Variants in CDH18 observed in about 807,000 individuals in gnomAD.
CDH18 encodes the protein cadherin-18.
A neutral mutation model predicts 67.9 loss-of-function variants in CDH18; 31 were observed. The ratio of observed to expected loss-of-function variants is 0.46; its 90% CI spans 0.34 to 0.62. The LOEUF (loss-of-function observed/expected upper bound fraction) is 0.62. Among genes scored for constraint, CDH18 ranks in the 20% least tolerant of loss-of-function variants. The pLI is 0.01. For synonymous variants in CDH18, 362 were observed against 347.2 expected (o/e 1.04, Z -0.48); for missense variants, 890 against 975.5 (o/e 0.91, Z 1.17).
At chr5:20,303,339 T>TG (rs1561954173) in intron 1 of CDH18, among the ~76,000 whole-genome samples, 1 of 152,084 alleles carries the variant, frequency 6.6e-6, no homozygotes, top group South Asian at 2.1e-4. Flanking sequence ...ATTTTGTCTT[T>TG]GGGGGATAAA....
intron 11 of CDH18, among the ~76,000 whole-genome samples, chr5:19,485,445 C>T (rs551651692): frequency 5.3e-5 from 8 of 151,976 alleles, no homozygotes; most frequent in South Asian, 2.1e-4. Context: ...TTAGTAGAGA[C>T]GGGGTTTCAC....
chr5:19,853,612 TA>T (rs1224195743), intron 2 of CDH18, among the ~76,000 whole-genome samples: 1 of 151,978 alleles, frequency 6.6e-6, no homozygotes, highest in Non-Finnish European at 1.5e-5. Context: ...TTATTAGGAG[TA>T]AATCACAGCA....
chr5:19,673,611 A>T (rs894909177), intron 5 of CDH18, among the ~76,000 whole-genome samples: 3 of 152,076 alleles, frequency 2.0e-5, no homozygotes, highest in Non-Finnish European at 4.4e-5. Flanking sequence ...ATGTTTTACT[A>T]GAATATTCTT....
intron 3 of CDH18, among the ~76,000 whole-genome samples, chr5:19,836,997 T>A (rs1001323332): frequency 3.9e-5 from 6 of 152,120 alleles, no homozygotes; most frequent in African/African-American, 1.2e-4. Flanking sequence ...TAGCAAAGAC[T>A]TGGAACCATC....
intron 1 of CDH18, among the ~76,000 whole-genome samples, chr5:20,503,240 C>T (rs538857574): frequency 1.4e-5 from 2 of 146,366 alleles, no homozygotes; most frequent in East Asian, 2.0e-4. Context: ...CTTTTTATTT[C>T]TTTTTTTTTT....
chr5:19,575,030 C>A (rs1444888352), intron 7 of CDH18, among the ~76,000 whole-genome samples: 1 of 151,972 alleles, frequency 6.6e-6, no homozygotes, highest in Non-Finnish European at 1.5e-5. Flanking sequence ...CAGAGTCAGA[C>A]AAAAAACAAA....
chr5:19,749,236 T>G (rs898584635), intron 3 of CDH18, among the ~76,000 whole-genome samples: 19 of 151,952 alleles, frequency 1.3e-4, no homozygotes, highest in African/African-American at 4.1e-4. Context: ...AACAAATTCA[T>G]TTACCAAATG....
intron 1 of CDH18, among the ~76,000 whole-genome samples, chr5:20,294,807 T>C (rs1481233449): frequency 2.0e-5 from 3 of 152,214 alleles, no homozygotes; most frequent in Non-Finnish European, 4.4e-5. Context: ...TTACTTCAGC[T>C]ACATTAACTA....
intron 5 of CDH18, among the ~76,000 whole-genome samples, chr5:19,614,114 T>C (rs1214783283): frequency 6.6e-6 from 1 of 152,062 alleles, no homozygotes; most frequent in African/African-American, 2.4e-5. Context: ...GAAGGAGTTA[T>C]ATATTTATGT....
chr5:20,326,388 A>G (rs1377725809), intron 1 of CDH18, among the ~76,000 whole-genome samples: 2 of 152,134 alleles, frequency 1.3e-5, no homozygotes, highest in Non-Finnish European at 2.9e-5. Context: ...ATACTCTTGA[A>G]TATTTTACCC....
chr5:19,661,927 G>T (rs573804878), intron 5 of CDH18, among the ~76,000 whole-genome samples: 1 of 151,978 alleles, frequency 6.6e-6, no homozygotes, highest in Non-Finnish European at 1.5e-5. Flanking sequence ...AACTCAGAGG[G>T]GAAGATACAA....
chr5:19,541,455 G>T (rs752262103), intron 9 of CDH18, among the ~76,000 whole-genome samples: 1 of 151,892 alleles, frequency 6.6e-6, no homozygotes, highest in Non-Finnish European at 1.5e-5. Context: ...GCACTACCCC[G>T]CTCTACTGGT....
At chr5:20,126,093 G>C (rs866616656) in intron 2 of CDH18, among the ~76,000 whole-genome samples, 2 of 152,146 alleles carry the variant, frequency 1.3e-5, no homozygotes, top group Non-Finnish European at 2.9e-5. Context: ...ATTAAAATCA[G>C]ATGGTCCTGG....
At chr5:20,529,564 A>C (rs2126548376) in intron 1 of CDH18, among the ~76,000 whole-genome samples, 1 of 152,150 alleles carries the variant, frequency 6.6e-6, no homozygotes, top group African/African-American at 2.4e-5. Context: ...CTTCATCCCC[A>C]GGACCCAAGA....
At chr5:19,483,853 C>A (rs931368790) in intron 11 of CDH18, among the ~76,000 whole-genome samples, 1 of 152,124 alleles carries the variant, frequency 6.6e-6, no homozygotes, top group Admixed American at 6.5e-5. Flanking sequence ...TAAAGGGATG[C>A]GGACGGCCTG....
intron 2 of CDH18, among the ~76,000 whole-genome samples, chr5:19,916,718 C>T (rs926727035): frequency 2.0e-5 from 3 of 152,104 alleles, no homozygotes; most frequent in African/African-American, 7.2e-5. Flanking sequence ...TTTATTCTTA[C>T]AAATTTTTTT....
intron 6 of CDH18, among the ~76,000 whole-genome samples, chr5:19,604,530 A>AAC (rs4002268): frequency 0.069 from 10,033 of 145,036 alleles, 513 homozygotes; most frequent in African/African-American, 0.15. Context: ...TTCAAATTAA[A>AAC]ACACACACAC....
chr5:19,988,844 C>A (rs1352269321), upstream of CDH18, among the ~76,000 whole-genome samples: 1 of 152,080 alleles, frequency 6.6e-6, no homozygotes, highest in Non-Finnish European at 1.5e-5. Context: ...ACGCCTTCAC[C>A]CAAAGTACTC....
At chr5:20,453,668 G>C (rs1750637336) in intron 1 of CDH18, among the ~76,000 whole-genome samples, 1 of 151,808 alleles carries the variant, frequency 6.6e-6, no homozygotes, top group African/African-American at 2.4e-5. Flanking sequence ...GTCTTTCACT[G>C]TGAGGAAGAA....
Sources: gnomAD v4.1 joint callset for allele counts (sites outside exome capture counted in the v4.1 genomes callset) on GRCh38, gnomAD v4.1.1 for gene constraint, MANE v1.5 for transcripts, NCBI Gene and HGNC (gene_info 2026-07-23, HGNC 2026-07-21) for gene names.